CRLF2: variants seen among roughly 807,000 people sequenced by gnomAD.
CRLF2 encodes the protein cytokine receptor like factor 2, also known as cytokine receptor-like factor 2.
In CRLF2, 41 loss-of-function variants were observed where a neutral mutation model predicts 38.7. The observed-to-expected ratio is 1.06, with a 90% CI of 0.83 to 1.37. CRLF2 has a LOEUF of 1.37. Among genes scored for constraint, CRLF2 ranks in the 40% most tolerant of loss-of-function variants. The pLI is 0.00. For missense variants in CRLF2, 377 were observed against 322.2 expected (o/e 1.17, Z -1.30); for synonymous variants, 140 against 128.8 (o/e 1.09, Z -0.59).
At chrX:1,198,073 G>C (rs768280094) in intron 5 of CRLF2, among the ~76,000 whole-genome samples, 1 of 152,254 alleles carries the variant, frequency 6.6e-6, no homozygotes, top group South Asian at 2.1e-4. Context: ...ATTACTTTCA[G>C]ATGGGGCCCT....
At chrX:1,201,556 TGA>T (rs199731158) in intron 4 of CRLF2, among the ~76,000 whole-genome samples, 5 of 4,376 alleles carry the variant, frequency 1.1e-3, no homozygotes, top group Non-Finnish European at 2.7e-3. Context: ...GATAGAGTGA[TGA>T]GAGAGAGATA....
chrX:1,200,104 GTA>G (rs371362805), intron 4 of CRLF2, among the ~76,000 whole-genome samples: 1 of 150,016 alleles, frequency 6.7e-6, no homozygotes, highest in Non-Finnish European at 1.5e-5. Flanking sequence ...AGCTGTGTGT[GTA>G]TATATATAAA....
At chrX:1,191,295 C>CTTTCTTTCTT (rs1556415440) in intron 7 of CRLF2, 135 bp from the exon 8 acceptor site, 13 of 331,228 alleles carry the variant, frequency 3.9e-5, no homozygotes, top group Admixed American at 3.1e-4. Context: ...CTTTTCTTTT[C>CTTTCTTTCTT]TCTTTCTTTC....
At chrX:1,198,978 G>T (rs748613228) in intron 4 of CRLF2, 2 of 537,724 alleles carry the variant, frequency 3.7e-6, no homozygotes, top group Non-Finnish European at 6.8e-6. Flanking sequence ...GAGAAACCCC[G>T]TCTCTACTGA....
chrX:1,194,332 G>C (rs1221277690), intron 6 of CRLF2, among the ~76,000 whole-genome samples: 19 of 150,406 alleles, frequency 1.3e-4, no homozygotes, highest in African/African-American at 4.6e-4. Context: ...TGTGGTGGCA[G>C]ATGCCTGTAG....
intron 5 of CRLF2, among the ~76,000 whole-genome samples, chrX:1,197,828 TA>T (rs1198504716): frequency 5.5e-5 from 8 of 146,104 alleles, no homozygotes; most frequent in Non-Finnish European, 1.1e-4. Flanking sequence ...AAAATAAAAA[TA>T]AAAAAATAAA....
At chrX:1,197,381 A>G (rs2086502214) in intron 5 of CRLF2, among the ~76,000 whole-genome samples, 1 of 151,652 alleles carries the variant, frequency 6.6e-6, no homozygotes, top group Non-Finnish European at 1.5e-5. Flanking sequence ...ACAACAACAC[A>G]TCCCACAGCC....
chrX:1,197,286 C>G (rs1319107920), intron 5 of CRLF2, among the ~76,000 whole-genome samples: 2 of 137,628 alleles, frequency 1.5e-5, no homozygotes, highest in Non-Finnish European at 3.2e-5. Flanking sequence ...AGAGATGGAC[C>G]TATTTTTTTT....
intron 5 of CRLF2, 133 bp downstream of exon 5, chrX:1,198,429 C>A: frequency 1.7e-6 from 1 of 576,908 alleles, no homozygotes; most frequent in Non-Finnish European, 3.1e-6. Flanking sequence ...TCCCACCTCC[C>A]AGGAAGGCAG....
chrX:1,191,394 CTCTT>C (rs1191016855), intron 7 of CRLF2, among the ~76,000 whole-genome samples: 6 of 103,710 alleles, frequency 5.8e-5, no homozygotes, highest in African/African-American at 1.6e-4. Context: ...CTCTCTTTCT[CTCTT>C]TCTTTCTTCC....
chrX:1,198,736 T>TACACAAAC lies in CRLF2; in HGVS notation c.484-13_484-12insGTTTGTGT. On this transcript the variant is annotated splice_polypyrimidine_tract_variant and intron_variant, in intron 4 of 7. Coordinates refer to ENST00000400841, the MANE Select transcript of CRLF2 (RefSeq NM_022148.4). ...TTTTCCTGTTTGGACTGGAGAAACA[T>TACACAAAC]ACACACACACACACACACACACACA... is the stretch of plus-strand genomic sequence containing the variant. 1 of 826,962 alleles carries TACACAAAC rather than the reference T, an allele frequency of 1.2e-6. No individual in the cohort carries two copies. 51.2% of individuals were successfully genotyped at this position (826,962 alleles called of 1,614,324 possible). A position where few individuals can be genotyped will look rare whatever the true frequency, so the allele number is the denominator to read the frequency against.
chrX:1,194,400 T>A (rs1212961778), intron 6 of CRLF2, among the ~76,000 whole-genome samples: 16 of 151,994 alleles, frequency 1.1e-4, no homozygotes, highest in South Asian at 4.2e-4. Context: ...AGGTGGAGTT[T>A]GCAGTGAGCC....
intron 6 of CRLF2, among the ~76,000 whole-genome samples, chrX:1,196,177 G>A (rs756332890): frequency 1.1e-3 from 149 of 130,740 alleles, no homozygotes; most frequent in African/African-American, 3.2e-3. Context: ...CACCACACCC[G>A]GCAGGGCTAA....
At chrX:1,194,246 C>G (rs1183010676) in intron 6 of CRLF2, among the ~76,000 whole-genome samples, 1 of 151,866 alleles carries the variant, frequency 6.6e-6, no homozygotes, top group Non-Finnish European at 1.5e-5. Flanking sequence ...TCCAAGATCA[C>G]ACCAGTGCTC....
intron 1 of CRLF2, among the ~76,000 whole-genome samples, chrX:1,210,595 C>T (rs1280604838): frequency 2.6e-5 from 4 of 152,276 alleles, no homozygotes; most frequent in Middle Eastern, 3.4e-3. Flanking sequence ...CAGGCATGAG[C>T]CACAGCGCCC....
At chrX:1,192,178 C>T (rs2086394653) in intron 7 of CRLF2, among the ~76,000 whole-genome samples, 1 of 132,722 alleles carries the variant, frequency 7.5e-6, no homozygotes, top group Non-Finnish European at 1.6e-5. Context: ...GCACTCCAGC[C>T]TGGGCGACAG....
At chrX:1,193,323 G>T (rs2086425960) in intron 6 of CRLF2, 21 bp from the exon 7 acceptor site, 2 of 398,582 alleles carry the variant, frequency 5.0e-6, no homozygotes, top group South Asian at 2.5e-4. Flanking sequence ...GACGGAGAGC[G>T]TGGTCAGGTC....
chrX:1,192,812 C>T (rs1368310898), intron 7 of CRLF2, among the ~76,000 whole-genome samples: 1 of 138,562 alleles, frequency 7.2e-6, no homozygotes, highest in Non-Finnish European at 1.5e-5. Flanking sequence ...CCTTCCCTTC[C>T]TTCCTTCTTT....
At chrX:1,192,728 CTTT>C (rs2086411882) in intron 7 of CRLF2, among the ~76,000 whole-genome samples, 1 of 77,502 alleles carries the variant, frequency 1.3e-5, no homozygotes, top group African/African-American at 6.6e-5. Flanking sequence ...TTCTTTCTTT[CTTT>C]CTTTCTTTCT....
Sources: allele counts gnomAD v4.1 joint callset (sites outside exome capture counted in the v4.1 genomes callset), GRCh38; gene constraint gnomAD v4.1.1; transcripts MANE v1.5; gene names NCBI Gene and HGNC (gene_info 2026-07-23, HGNC 2026-07-21).